BPNT2: variants seen among roughly 807,000 people sequenced by gnomAD.
BPNT2 encodes 3'(2'), 5'-bisphosphate nucleotidase 2.
In BPNT2, 11 loss-of-function variants were observed where a neutral mutation model predicts 29.3. The observed-to-expected ratio is 0.38, with a 90% CI of 0.24 to 0.62. BPNT2 has a LOEUF of 0.62. BPNT2 is among the 20% of genes least tolerant of loss of function. BPNT2 has a pLI of 0.62. For missense variants in BPNT2, 459 were observed against 473.4 expected, an observed-to-expected ratio of 0.97 and a Z score of 0.28; for synonymous variants, 195 against 187.7, an observed-to-expected ratio of 1.04 and a Z score of -0.32.
At position 56,980,197 on chromosome 8, in the gene BPNT2, T is replaced by C. The variant is rs1806216361; in HGVS notation, c.388A>G (p.Ile130Val). ...LLKTAFPSVQINTEEHVDAAD... is the reference protein window; with the variant it reads ...LLKTAFPSVQVNTEEHVDAAD... ...GCATCCACGTGTTCCTCAGTATTAA[T>C]CTGCATTAAAAACAGGTGACAGTTA... Residue 130 changes from isoleucine to valine, a missense_variant and splice_region_variant, in exon 2 of 5, where the codon ATT (isoleucine) becomes GTT (valine). By Grantham distance (29) the Ile-to-Val change is conservative. Transcript: ENST00000262644. 1 of 1,613,100 alleles carries C rather than the reference T, an allele frequency of 6.2e-7. No homozygotes were observed. The highest frequency in any genetic ancestry group is 8.5e-7 in the Non-Finnish European group (1 of 1,179,180).
chr8:56,983,989 G>T (rs1806287428), intron 1 of BPNT2, among the ~76,000 whole-genome samples: 1 of 151,846 alleles, frequency 6.6e-6, no homozygotes, highest in Non-Finnish European at 1.5e-5. Context: ...GACTACCTCA[G>T]ATGAATGAAG....
intron 3 of BPNT2, chr8:56,967,031 C>T (rs1805964103): frequency 3.0e-5 from 12 of 394,362 alleles, no homozygotes; most frequent in South Asian, 2.2e-4. Flanking sequence ...AAGGGGATGT[C>T]AGAGATGGCT....
In BPNT2 at chr8:56,993,276, C is replaced by CCT; in HGVS notation, c.308_309dup (p.Asp104ArgfsTer4). On this transcript the variant is annotated frameshift_variant, in exon 1 of 5. Coordinates refer to ENST00000262644, the MANE Select transcript of BPNT2 (RefSeq NM_017813.5). LOFTEE classifies it high-confidence loss of function. The stretch of plus-strand genomic sequence containing the variant: ...AGCACGTCGCCGCTGGTCATCTTGT[C>CCT]CTCGGCTCCCTCGCGCGTCTTCCCC... The CCT allele has an allele frequency of 6.2e-7, 1 of 1,611,342 alleles. No individual in the cohort carries two copies.
At chr8:56,989,946 G>A (rs1037497352) in intron 1 of BPNT2, among the ~76,000 whole-genome samples, 1 of 152,154 alleles carries the variant, frequency 6.6e-6, no homozygotes, top group African/African-American at 2.4e-5. Context: ...CAGTGCTTAT[G>A]TCTACACCAA....
intron 1 of BPNT2, among the ~76,000 whole-genome samples, chr8:56,990,838 C>A (rs1806405594): frequency 6.6e-6 from 1 of 152,104 alleles, no homozygotes; most frequent in South Asian, 2.1e-4. Flanking sequence ...ACATTACATA[C>A]GAAAGCTCAG....
intron 4 of BPNT2, among the ~76,000 whole-genome samples, chr8:56,965,132 C>A (rs949416734): frequency 2.6e-5 from 4 of 152,102 alleles, no homozygotes; most frequent in African/African-American, 9.7e-5. Flanking sequence ...CCAGCCTGGG[C>A]AACGTGGCAA....
At chr8:56,979,217 T>A (rs1031814527) in intron 2 of BPNT2, among the ~76,000 whole-genome samples, 1 of 152,136 alleles carries the variant, frequency 6.6e-6, no homozygotes, top group Admixed American at 6.6e-5. Context: ...CTGTATAATA[T>A]AAACAATAAC....
At chr8:56,972,867 A>T (rs1326129460) in intron 3 of BPNT2, among the ~76,000 whole-genome samples, 6 of 152,106 alleles carry the variant, frequency 3.9e-5, no homozygotes, top group Non-Finnish European at 8.8e-5. Flanking sequence ...AAAAAAATTT[A>T]AAAAAGGGGC....
rs535065188 is a variant in BPNT2 at position 56,966,477 on chromosome 8, T to A, written c.647-125A>T. 3.6e-6 allele frequency: 3 copies of A among 840,244 alleles called. No homozygotes were observed. In the African/African-American group the frequency reaches 5.1e-5, roughly 14 times the overall value. 52.0% of individuals were successfully genotyped at this position (840,244 alleles called of 1,614,324 possible). ...CTCTCTTCTAAAAAATTATTTGTAT[T>A]TTCCCCCAAAACAGAAAGCTTTTTT... On this transcript the variant is annotated intron_variant, in intron 3 of 4. Coordinates refer to ENST00000262644, the MANE Select transcript of BPNT2 (RefSeq NM_017813.5).
chr8:56,993,415 A>ATCGGCC lies in BPNT2; in HGVS notation c.165_170dup (p.Ala56_Asp57insGluAla). 6.4e-7 allele frequency: 1 copy of ATCGGCC among 1,554,266 alleles called. No homozygotes were observed. The highest frequency in any genetic ancestry group is 8.6e-7 in the Non-Finnish European group (1 of 1,156,666). On this transcript the variant is annotated inframe_insertion, in exon 1 of 5. Transcript: ENST00000262644. ...TCTCGCGCAAGTCCACGGTGCCCCC[A>ATCGGCC]TCGGCCGCGGCCGCGGGCCCCGCCG...
At chr8:56,966,421 C>T (rs1455786064) in intron 3 of BPNT2, 69 bp from the exon 4 acceptor site, 1 of 1,349,262 alleles carries the variant, frequency 7.4e-7, no homozygotes, top group Non-Finnish European at 1.1e-6. Context: ...TTCTTCAGAA[C>T]CCAAAGTGCT....
At chr8:56,988,013 C>T (rs1167519355) in intron 1 of BPNT2, among the ~76,000 whole-genome samples, 2 of 152,140 alleles carry the variant, frequency 1.3e-5, no homozygotes. Context: ...CAGGCATGAG[C>T]CACCACGCCA....
In BPNT2 at chr8:56,958,251, G is replaced by A. The variant is rs1017375276; in HGVS notation, c.*5542C>T. 1.3e-5 allele frequency: 2 copies of A among 152,112 alleles called. No homozygotes were observed. The highest frequency in any genetic ancestry group is 4.8e-5 in the African/African-American group (2 of 41,410). 9.4% of individuals were successfully genotyped at this position (152,112 alleles called of 1,614,324 possible). Reference sequence around the variant, plus strand: ...GTACTTAATTTGTGCAAGAGACTGGGCTATGTGCTGGGGGTGAGGTGGAAA... The same window carrying A: ...GTACTTAATTTGTGCAAGAGACTGGACTATGTGCTGGGGGTGAGGTGGAAA... On this transcript the variant is annotated 3_prime_UTR_variant, in exon 5 of 5. Coordinates refer to ENST00000262644, the MANE Select transcript of BPNT2 (RefSeq NM_017813.5).
At chr8:56,988,913 C>T (rs1422058433) in intron 1 of BPNT2, among the ~76,000 whole-genome samples, 1 of 152,088 alleles carries the variant, frequency 6.6e-6, no homozygotes. Flanking sequence ...TCTTTCACTT[C>T]CTTCTACATC....
At chr8:56,978,002 A>C (rs755454267) in intron 3 of BPNT2, 48 bp downstream of exon 3, 1 of 1,140,784 alleles carries the variant, frequency 8.8e-7, no homozygotes, top group South Asian at 1.2e-5. Context: ...TACTATAGAC[A>C]AACAGTTCAA....
intron 1 of BPNT2, 52 bp from the exon 2 acceptor site, chr8:56,980,249 T>C (rs1487524844): frequency 1.4e-6 from 2 of 1,400,526 alleles, no homozygotes; most frequent in Non-Finnish European, 2.0e-6. Flanking sequence ...CAATCACTAT[T>C]TGATAAACTA....
At chr8:56,977,361 T>C (rs1806158473) in intron 3 of BPNT2, among the ~76,000 whole-genome samples, 1 of 152,162 alleles carries the variant, frequency 6.6e-6, no homozygotes, top group African/African-American at 2.4e-5. Context: ...ACTGCAGTCC[T>C]TAGCCTATTA....
At chr8:56,976,013 T>C (rs1806126312) in intron 3 of BPNT2, among the ~76,000 whole-genome samples, 2 of 152,146 alleles carry the variant, frequency 1.3e-5, no homozygotes, top group South Asian at 4.1e-4. Context: ...ATCCCTACAT[T>C]TTAGTTTGGA....
intron 1 of BPNT2, among the ~76,000 whole-genome samples, chr8:56,982,248 G>A (rs1423878968): frequency 1.3e-5 from 2 of 150,046 alleles, no homozygotes; most frequent in East Asian, 2.0e-4. Context: ...CTCAGCCTCC[G>A]AGTAGCTGGC....
Sources: gnomAD v4.1 joint callset for allele counts (sites outside exome capture counted in the v4.1 genomes callset) on GRCh38, gnomAD v4.1.1 for gene constraint, MANE v1.5 for transcripts, NCBI Gene and HGNC (gene_info 2026-07-23, HGNC 2026-07-21) for gene names.